Variants in RFC3 observed in about 807,000 individuals in gnomAD.
The protein encoded by RFC3 is replication factor C subunit 3.
A neutral mutation model predicts 45.1 loss-of-function variants in RFC3; 41 were observed. The ratio of observed to expected loss-of-function variants is 0.91; its 90% CI spans 0.71 to 1.18. The LOEUF (loss-of-function observed/expected upper bound fraction) is 1.18. RFC3 is among the 50% of genes most tolerant of loss of function. The pLI is 0.00. For missense variants in RFC3, 423 were observed against 428.1 expected (o/e 0.99, Z 0.10); for synonymous variants, 149 against 144.0 (o/e 1.03, Z -0.25).
At chr13:33,946,779 G>A (rs374065416) in intron 8 of RFC3, among the ~76,000 whole-genome samples, 142 of 152,276 alleles carry the variant, frequency 9.3e-4, no homozygotes, top group African/African-American at 3.3e-3. Flanking sequence ...TAGATATTAT[G>A]GATATTATTC....
intron 8 of RFC3, among the ~76,000 whole-genome samples, chr13:33,909,123 A>G (rs2137693653): frequency 6.6e-6 from 1 of 152,184 alleles, no homozygotes; most frequent in African/African-American, 2.4e-5. Context: ...CTTTTCTCAC[A>G]TTGCCTAAAA....
At chr13:33,899,823 C>T (rs139956839) in intron 8 of RFC3, among the ~76,000 whole-genome samples, 3 of 151,990 alleles carry the variant, frequency 2.0e-5, no homozygotes, top group African/African-American at 4.8e-5. Context: ...TAAATAAATT[C>T]AGTAAAGTTG....
chr13:33,835,513 G>A (rs1277205326), intron 8 of RFC3: 1 of 566,660 alleles, frequency 1.8e-6, no homozygotes, highest in East Asian at 4.1e-5. Context: ...GTGCAGGGAT[G>A]ATAATGGAGG....
At chr13:33,925,060 CAT>C (rs905539371) in intron 8 of RFC3, among the ~76,000 whole-genome samples, 2 of 141,136 alleles carry the variant, frequency 1.4e-5, no homozygotes, top group African/African-American at 5.8e-5. Context: ...TATATATACA[CAT>C]ATATAGTGTA....
chr13:33,888,490 C>T (rs7336769), intron 8 of RFC3, among the ~76,000 whole-genome samples: 17,421 of 152,000 alleles, frequency 0.11, 2,039 homozygotes, highest in African/African-American at 0.3. Context: ...TTCTCAAGTG[C>T]GGAAGCCGAG....
At chr13:33,896,931 A>C (rs767644597) in intron 8 of RFC3, among the ~76,000 whole-genome samples, 8 of 152,028 alleles carry the variant, frequency 5.3e-5, no homozygotes, top group Non-Finnish European at 8.8e-5. Flanking sequence ...AATCTTATTG[A>C]GACAAAAGCT....
chr13:33,868,193 T>G (rs531080169), intron 8 of RFC3, among the ~76,000 whole-genome samples: 22 of 152,306 alleles, frequency 1.4e-4, no homozygotes, highest in African/African-American at 5.1e-4. Context: ...GTGCAGGACA[T>G]CAGCTATTGT....
chr13:33,847,834 T>C (rs1439043921), intron 8 of RFC3: 1 of 152,230 alleles, frequency 6.6e-6, no homozygotes, highest in Non-Finnish European at 1.5e-5. Context: ...ACCTCAGCAA[T>C]ATGTGTTGCC....
At chr13:33,910,957 A>G (rs1327073097) in intron 8 of RFC3, among the ~76,000 whole-genome samples, 2 of 151,910 alleles carry the variant, frequency 1.3e-5, no homozygotes, top group African/African-American at 4.8e-5. Flanking sequence ...AGCAGCACGA[A>G]AGGGGGAAAT....
chr13:33,849,933 C>G (rs1173587573), intron 8 of RFC3: 2 of 152,082 alleles, frequency 1.3e-5, no homozygotes, highest in Admixed American at 1.3e-4. Context: ...GTTCAGGTTT[C>G]TGTTTCAACA....
intron 8 of RFC3, among the ~76,000 whole-genome samples, chr13:33,882,684 C>T (rs1320694507): frequency 6.6e-6 from 1 of 152,164 alleles, no homozygotes; most frequent in Non-Finnish European, 1.5e-5. Flanking sequence ...GTTTAAGCCA[C>T]CCAATCTTTT....
intron 8 of RFC3, among the ~76,000 whole-genome samples, chr13:33,874,646 A>G (rs1331428585): frequency 2.0e-5 from 3 of 152,318 alleles, no homozygotes; most frequent in African/African-American, 2.4e-5. Flanking sequence ...TCTCCAAACT[A>G]TCTGCTTTCT....
At chr13:33,931,621 T>A (rs1247700043) in intron 8 of RFC3, among the ~76,000 whole-genome samples, 1 of 144,866 alleles carries the variant, frequency 6.9e-6, no homozygotes. Context: ...TGCCATTTCC[T>A]TGTGAATGAC....
chr13:33,831,935 T>A (rs949032391), intron 7 of RFC3, among the ~76,000 whole-genome samples: 2 of 152,232 alleles, frequency 1.3e-5, no homozygotes, highest in Admixed American at 6.5e-5. Flanking sequence ...AAAAACCCTG[T>A]GCTTATAGAT....
At chr13:33,969,368 C>T (rs1384070640), downstream of RFC3, among the ~76,000 whole-genome samples, 3 of 152,202 alleles carry the variant, frequency 2.0e-5, no homozygotes, top group Non-Finnish European at 4.4e-5. Context: ...GTTTCACCAG[C>T]GATTTTCCTA....
intron 4 of RFC3, among the ~76,000 whole-genome samples, chr13:33,829,343 G>A (rs1271020944): frequency 6.6e-6 from 1 of 152,168 alleles, no homozygotes; most frequent in Admixed American, 6.5e-5. Flanking sequence ...TTAGATTAAG[G>A]TGTACCACAG....
chr13:33,892,157 A>G (rs2082567924), intron 8 of RFC3, among the ~76,000 whole-genome samples: 1 of 152,174 alleles, frequency 6.6e-6, no homozygotes, highest in African/African-American at 2.4e-5. Flanking sequence ...TAGCTTTGAG[A>G]GATAGCTGAG....
At chr13:33,830,128 C>A in intron 5 of RFC3, 111 bp downstream of exon 5, 3 of 894,710 alleles carry the variant, frequency 3.4e-6, no homozygotes, top group Non-Finnish European at 5.2e-6. Context: ...CACCTACAGA[C>A]CTGGATGCAA....
intron 8 of RFC3, among the ~76,000 whole-genome samples, chr13:33,856,560 A>G (rs2082310097): frequency 6.6e-6 from 1 of 152,146 alleles, no homozygotes; most frequent in Admixed American, 6.6e-5. Context: ...CTGGGAGAAT[A>G]TTTTTCCACT....
Sources: allele counts gnomAD v4.1 joint callset (sites outside exome capture counted in the v4.1 genomes callset), GRCh38; gene constraint gnomAD v4.1.1; transcripts MANE v1.5; gene names NCBI Gene and HGNC (gene_info 2026-07-23, HGNC 2026-07-21).